The following LRRIQ3 variants were observed in gnomAD, a reference collection of about 807,000 sequenced individuals.
The protein encoded by LRRIQ3 is leucine rich repeats and IQ motif containing 3, also known as leucine-rich repeat and IQ domain-containing protein 3.
Under a neutral mutation model 59.3 loss-of-function variants are expected in LRRIQ3, and 75 were observed. The observed-to-expected ratio is 1.26, with a 90% CI of 1.05 to 1.53. LRRIQ3 has a LOEUF of 1.53. LRRIQ3 is among the 40% of genes most tolerant of loss of function. The pLI is 0.00. For synonymous variants in LRRIQ3, 250 were observed against 231.3 expected, an observed-to-expected ratio of 1.08 and a Z score of -0.73; for missense variants, 831 against 710.0, an observed-to-expected ratio of 1.17 and a Z score of -1.94.
chr1:74,157,384 A>T (rs1419091335), intron 3 of LRRIQ3, among the ~76,000 whole-genome samples: 2 of 152,090 alleles, frequency 1.3e-5, no homozygotes, highest in African/African-American at 4.8e-5. Flanking sequence ...TATGAGTCTC[A>T]TATCTGTTTT....
chr1:74,059,838 T>C (rs918893666), intron 6 of LRRIQ3, among the ~76,000 whole-genome samples: 4 of 152,054 alleles, frequency 2.6e-5, no homozygotes, highest in Admixed American at 2.6e-4. Flanking sequence ...TGAGTGTCTT[T>C]CCATTTATTT....
intron 3 of LRRIQ3, among the ~76,000 whole-genome samples, chr1:74,171,964 G>A (rs1649349070): frequency 6.6e-6 from 1 of 152,008 alleles, no homozygotes; most frequent in African/African-American, 2.4e-5. Context: ...GGCATTAATT[G>A]TAATGTCTCT....
Position 74,026,916 on chromosome 1 carries a change from A to T in LRRIQ3, c.1772T>A (p.Ile591Asn). ...TCTTTCACAGGCTTTTTCAAAGGCA[A>T]TCATATCCATAACAAATTTTTCTTC... ...HCEEKFVMDM[I>N]AFEKACERLQ... The change falls in exon 8 of 8, where the codon ATT becomes AAT. Residue 591 changes from isoleucine to asparagine, a missense_variant. By Grantham distance (149) the Ile-to-Asn change is moderately radical. Transcript: ENST00000354431. 1 of 1,597,434 alleles carries T rather than the reference A, an allele frequency of 6.3e-7. No individual in the cohort carries two copies.
intron 4 of LRRIQ3, among the ~76,000 whole-genome samples, chr1:74,147,102 C>T (rs1364444552): frequency 6.6e-6 from 1 of 152,070 alleles, no homozygotes; most frequent in Non-Finnish European, 1.5e-5. Context: ...GCAACGCGTG[C>T]CTGTGGTCCC....
At chr1:74,155,439 T>C (rs962147561) in intron 4 of LRRIQ3, among the ~76,000 whole-genome samples, 1 of 152,194 alleles carries the variant, frequency 6.6e-6, no homozygotes, top group African/African-American at 2.4e-5. Flanking sequence ...ATATAAAATC[T>C]TCCATGTATG....
intron 5 of LRRIQ3, chr1:74,082,359 T>C (rs1398983923): frequency 1.3e-5 from 2 of 151,570 alleles, no homozygotes; most frequent in Non-Finnish European, 3.0e-5. Context: ...ATCATTTTAA[T>C]GAAAGAGACA....
At chr1:74,096,608 G>A (rs529069602) in intron 5 of LRRIQ3, among the ~76,000 whole-genome samples, 2 of 152,260 alleles carry the variant, frequency 1.3e-5, no homozygotes, top group African/African-American at 4.8e-5. Flanking sequence ...CATTCCTTTG[G>A]AGGGGGAGAA....
Position 74,026,421 on chromosome 1 carries a change from G to A in LRRIQ3, c.*392C>T, listed in dbSNP as rs1477818610. The A allele has an allele frequency of 1.9e-5, 3 of 155,882 alleles. No homozygotes were observed. Among genetic ancestry groups the A allele is most frequent in the East Asian group, 1.9e-4 (1 of 5,244 alleles). The allele number at this position is 155,882 out of a possible 1,614,324, so 9.7% of individuals were successfully genotyped here. ...AATAAAAGTCATCAACGTACACAGT[G>A]TCTTAATAAAAGTCAGCAGTTGGAG... On this transcript the variant is annotated 3_prime_UTR_variant, in exon 8 of 8. Coordinates refer to ENST00000354431, the MANE Select transcript of LRRIQ3 (RefSeq NM_001105659.2).
chr1:74,099,425 AC>A (rs1646498485), intron 5 of LRRIQ3, among the ~76,000 whole-genome samples: 1 of 152,156 alleles, frequency 6.6e-6, no homozygotes, highest in Non-Finnish European at 1.5e-5. Flanking sequence ...TAGCCTACCA[AC>A]CAAAAAATGT....
intron 1 of LRRIQ3, among the ~76,000 whole-genome samples, chr1:74,195,501 C>T (rs1044243996): frequency 6.6e-6 from 1 of 152,142 alleles, no homozygotes; most frequent in Non-Finnish European, 1.5e-5. Context: ...GGTTGGAAGA[C>T]ATTTTAATGG....
intron 5 of LRRIQ3, among the ~76,000 whole-genome samples, chr1:74,091,556 T>A (rs1464768634): frequency 6.6e-6 from 1 of 151,696 alleles, no homozygotes; most frequent in African/African-American, 2.4e-5. Context: ...ACTGGAAGAG[T>A]AATTGAAAAA....
At chr1:74,181,423 C>A (rs1469136817) in intron 3 of LRRIQ3, 1 of 151,834 alleles carries the variant, frequency 6.6e-6, no homozygotes, top group Non-Finnish European at 1.5e-5. Flanking sequence ...TCATTATATT[C>A]ATCAAGTCTA....
Position 74,144,665 on chromosome 1 carries a change from T to C in LRRIQ3, c.707+11068A>G, listed in dbSNP as rs566742398. The C allele has an allele frequency of 1.6e-5, 3 of 189,412 alleles. No homozygotes were observed. In the South Asian group the frequency reaches 2.7e-4, roughly 17 times the overall value. The allele number at this position is 189,412 out of a possible 1,614,324, so 11.7% of individuals were successfully genotyped here. On this transcript the variant is annotated intron_variant, in intron 4 of 7. Transcript: ENST00000354431. The stretch of plus-strand genomic sequence containing the variant: ...TCTATATAAAGCTAATTAGTAAATA[T>C]GTAGGCGCTGGAGTGTACATATGTT...
In LRRIQ3 at chr1:74,183,741, AAAAC is replaced by A; in HGVS notation, c.1-61_1-58del. On this transcript the variant is annotated intron_variant, in intron 1 of 7. Coordinates refer to ENST00000354431, the MANE Select transcript of LRRIQ3 (RefSeq NM_001105659.2). ...TTTTCCACTTTCAAAAATTTACCTG[AAAAC>A]AAACAAAATTTTGCCAAGAGATAGC... 6 of 1,390,614 alleles carry A rather than the reference AAAAC, an allele frequency of 4.3e-6. No individual in the cohort carries two copies. In the South Asian group the frequency reaches 5.7e-5, roughly 13 times the overall value. 86.1% of individuals were successfully genotyped at this position (1,390,614 alleles called of 1,614,324 possible). A position where few individuals can be genotyped will look rare whatever the true frequency, so the allele number is the denominator to read the frequency against.
intron 3 of LRRIQ3, among the ~76,000 whole-genome samples, chr1:74,177,430 T>C (rs535596776): frequency 6.6e-6 from 1 of 152,042 alleles, no homozygotes; most frequent in East Asian, 1.9e-4. Flanking sequence ...AACTCCTCTT[T>C]ATATATATAT....
At chr1:74,053,786 T>G (rs933487786) in intron 6 of LRRIQ3, among the ~76,000 whole-genome samples, 4 of 152,184 alleles carry the variant, frequency 2.6e-5, no homozygotes, top group Non-Finnish European at 5.9e-5. Context: ...CTCCACATCA[T>G]ATGTTATTAG....
At chr1:74,058,504 G>A (rs535368640) in intron 6 of LRRIQ3, among the ~76,000 whole-genome samples, 1 of 152,084 alleles carries the variant, frequency 6.6e-6, no homozygotes, top group Admixed American at 6.6e-5. Context: ...TTGCATATAT[G>A]GAAGCTAAAA....
chr1:74,146,423 G>A (rs1461818119), intron 4 of LRRIQ3, among the ~76,000 whole-genome samples: 2 of 152,050 alleles, frequency 1.3e-5, no homozygotes, highest in African/African-American at 4.8e-5. Context: ...TTTGTCTGCT[G>A]TTGTGTCTTC....
rs1284700622 is a variant in LRRIQ3, at chr1:74,050,827, T to G, written c.998-8894A>C. On this transcript the variant is annotated intron_variant, in intron 6 of 7. Transcript: ENST00000354431. ...ACGTACTGAGTTCTTCCTGATTTGC[T>G]AGATGCAAAAAGTTCACTTATAGCA... is the stretch of plus-strand genomic sequence containing the variant. 5.3e-5 allele frequency among the ~76,000 whole-genome samples: 8 copies of G among 152,214 alleles called. No individual in the cohort carries two copies. In the South Asian group the frequency reaches 1.7e-3, roughly 32 times the overall value.
Sources: gnomAD v4.1 joint callset for allele counts (sites outside exome capture counted in the v4.1 genomes callset) on GRCh38, gnomAD v4.1.1 for gene constraint, MANE v1.5 for transcripts, NCBI Gene and HGNC (gene_info 2026-07-23, HGNC 2026-07-21) for gene names.